SLC7A11: variants seen among roughly 807,000 people sequenced by gnomAD.
SLC7A11 encodes solute carrier family 7 member 11.
In SLC7A11, 35 loss-of-function variants were observed where a neutral mutation model predicts 54.5. The observed-to-expected ratio is 0.64, with a 90% CI of 0.49 to 0.85. The LOEUF is 0.85. Ranked by LOEUF, SLC7A11 falls within the 40% of genes least tolerant of loss-of-function variation. The pLI, the probability that SLC7A11 is intolerant of heterozygous loss-of-function variation, is 0.00. For synonymous variants in SLC7A11, 230 were observed against 225.2 expected (o/e 1.02, Z -0.19); for missense variants, 583 against 618.1 (o/e 0.94, Z 0.60).
At position 138,165,125 on chromosome 4, in the gene SLC7A11, T is replaced by G. The variant is rs946612766; in HGVS notation, c.*6831A>C. ...TATTATTTTTCTACCCCTTGGCAAC[T>G]GAAAATGAAGTTACCATTCCTAGGC... On this transcript the variant is annotated 3_prime_UTR_variant, in exon 12 of 12. Transcript: ENST00000280612. 7.2e-5 allele frequency: 11 copies of G among 152,596 alleles called. No homozygotes were observed. Among genetic ancestry groups the G allele is most frequent in the South Asian group, 2.1e-4 (1 of 4,828 alleles). 9.5% of individuals were successfully genotyped at this position (152,596 alleles called of 1,614,324 possible).
chr4:138,173,593 C>G (rs188438245), intron 11 of SLC7A11, among the ~76,000 whole-genome samples: 303 of 151,498 alleles, frequency 2.0e-3, no homozygotes, highest in Non-Finnish European at 3.5e-3. Context: ...GAGATTGCAC[C>G]ATTACACTCC....
intron 4 of SLC7A11, among the ~76,000 whole-genome samples, chr4:138,220,482 G>T (rs1257066410): frequency 6.6e-6 from 1 of 152,058 alleles, no homozygotes; most frequent in African/African-American, 2.4e-5. Context: ...ATATTGAAAA[G>T]ATATTATAAT....
chr4:138,225,955 C>T (rs1431170297), intron 3 of SLC7A11, among the ~76,000 whole-genome samples: 1 of 151,882 alleles, frequency 6.6e-6, no homozygotes, highest in Admixed American at 6.6e-5. Context: ...ATTTTTGGAA[C>T]AACTAACTAT....
chr4:138,237,011 A>C (rs1578676064), intron 1 of SLC7A11, among the ~76,000 whole-genome samples: 1 of 100,172 alleles, frequency 1.0e-5, no homozygotes, highest in African/African-American at 3.8e-5. Flanking sequence ...TTTGAGACGG[A>C]GTCTCACTCT....
Position 138,223,291 on chromosome 4 carries a change from C to T in SLC7A11, c.554G>A (p.Ser185Asn), listed in dbSNP as rs1248760617. 1 of 1,613,642 alleles carries T rather than the reference C, an allele frequency of 6.2e-7. No individual in the cohort carries two copies. Among genetic ancestry groups the T allele is most frequent in the Admixed American group, 1.7e-5 (1 of 60,008 alleles). Residue 185 changes from serine to asparagine, a missense_variant, in exon 4 of 12, where the codon AGC becomes AAC. Physicochemically the swap from Ser to Asn is conservative, Grantham distance 46. Transcript: ENST00000280612. ...VVMVLNSMSV[S>N]WSARIQIFLT... is the part of the protein sequence containing the mutation. ...GAAAATCTGGATCCGGGCGCTCCAG[C>T]TGACACTCATGCTATTTAGGACCAT...
intron 11 of SLC7A11, among the ~76,000 whole-genome samples, chr4:138,179,008 C>T (rs1052891948): frequency 2.0e-5 from 3 of 152,128 alleles, no homozygotes; most frequent in Non-Finnish European, 4.4e-5. Context: ...GAAGTGATTA[C>T]AGCAGCCCAA....
chr4:138,232,497 T>C (rs1200967980), intron 2 of SLC7A11, 115 bp from the exon 3 acceptor site: 4 of 641,516 alleles, frequency 6.2e-6, no homozygotes, highest in Non-Finnish European at 8.3e-6. Flanking sequence ...TGAAAGTCCA[T>C]AGTTTTCAGA....
chr4:138,237,312 T>C (rs567865399), intron 1 of SLC7A11, among the ~76,000 whole-genome samples: 3 of 151,764 alleles, frequency 2.0e-5, no homozygotes, highest in Non-Finnish European at 4.4e-5. Flanking sequence ...TTGTAGGATA[T>C]ATTTTGTCAA....
intron 4 of SLC7A11, among the ~76,000 whole-genome samples, chr4:138,219,640 A>G (rs1185925475): frequency 1.3e-5 from 2 of 152,220 alleles, no homozygotes; most frequent in South Asian, 2.1e-4. Flanking sequence ...GTATGCCTCT[A>G]TTGTGACCAT....
intron 5 of SLC7A11, among the ~76,000 whole-genome samples, chr4:138,216,208 C>A (rs867891740): frequency 6.6e-6 from 1 of 152,158 alleles, no homozygotes; most frequent in Non-Finnish European, 1.5e-5. Flanking sequence ...GCTAGCAATG[C>A]ATTCCAATAC....
intron 6 of SLC7A11, among the ~76,000 whole-genome samples, chr4:138,211,306 A>G (rs1275130124): frequency 1.3e-5 from 2 of 151,898 alleles, no homozygotes; most frequent in Non-Finnish European, 2.9e-5. Flanking sequence ...CCCATACCCA[A>G]CAGTAACAGG....
intron 4 of SLC7A11, among the ~76,000 whole-genome samples, chr4:138,222,165 G>T (rs148823787): frequency 1.7e-3 from 262 of 152,294 alleles, no homozygotes; most frequent in African/African-American, 5.8e-3. Context: ...CGCCAGCAGG[G>T]CTCTAAAATC....
At chr4:138,238,008 C>T (rs1738281742) in intron 1 of SLC7A11, among the ~76,000 whole-genome samples, 3 of 151,658 alleles carry the variant, frequency 2.0e-5, no homozygotes, top group Admixed American at 2.0e-4. Context: ...TTGCCTTGGC[C>T]TCCCAAAGTG....
intron 6 of SLC7A11, among the ~76,000 whole-genome samples, chr4:138,212,935 C>T (rs1170560348): frequency 6.6e-6 from 1 of 151,896 alleles, no homozygotes; most frequent in East Asian, 1.9e-4. Flanking sequence ...TGTCTTTAGA[C>T]TTAACATACA....
chr4:138,216,052 C>A (rs370772281), intron 5 of SLC7A11, among the ~76,000 whole-genome samples: 14 of 152,178 alleles, frequency 9.2e-5, no homozygotes, highest in African/African-American at 3.4e-4. Flanking sequence ...ATTCACACAT[C>A]CTGTGGGAAA....
intron 3 of SLC7A11, 146 bp from the exon 4 acceptor site, chr4:138,223,470 G>T: frequency 1.2e-6 from 1 of 802,610 alleles, no homozygotes; most frequent in Non-Finnish European, 2.0e-6. Flanking sequence ...CTCAGGCTCT[G>T]CCCCAGGCCT....
rs1450773370 is a variant in SLC7A11 at position 138,242,050 on chromosome 4, A to G, written c.20T>C (p.Val7Ala). The G allele has an allele frequency of 6.2e-7, 1 of 1,614,098 alleles. No homozygotes were observed. Among genetic ancestry groups the G allele is most frequent in the Non-Finnish European group, 8.5e-7 (1 of 1,179,946 alleles). The change falls in exon 1 of 12, where the codon GTG (valine) becomes GCG (alanine). Residue 7 changes from valine (V) to alanine (A), a missense_variant. Physicochemically the swap from Val to Ala is moderately conservative, Grantham distance 64 (BLOSUM62 0). Transcript: ENST00000280612. ...GTAACCTCCTTTGGAGATGGTGGAC[A>G]CAACAGGCTTTCTGACCATAGTAGG... MVRKPV[V>A]STISKGGYLQ...
chr4:138,192,299 T>C lies in SLC7A11; in HGVS notation c.792-7055A>G, dbSNP rs1012883521. Reference sequence around the variant, plus strand: ...AAACAGAATGTGAGTAGATGTGTCATTGAAGACCAAGGTGGTTAAGTGTGT... The same window carrying C: ...AAACAGAATGTGAGTAGATGTGTCACTGAAGACCAAGGTGGTTAAGTGTGT... On this transcript the variant is annotated intron_variant, in intron 6 of 11. Coordinates refer to ENST00000280612, the MANE Select transcript of SLC7A11 (RefSeq NM_014331.4). Among the ~76,000 whole-genome samples the C allele has an allele frequency of 7.9e-5, 12 of 152,274 alleles. No homozygotes were observed. In the East Asian group the frequency reaches 1.2e-3, roughly 15 times the overall value.
At position 138,164,671 on chromosome 4, in the gene SLC7A11, C is replaced by G. The variant is rs1277312935; in HGVS notation, c.*7285G>C. ...GTATTAAATTTGTATAAAATACACACAATCCCCTCTACTAAGTTTCATGAT... is the reference window on the plus strand; with the variant it reads ...GTATTAAATTTGTATAAAATACACAGAATCCCCTCTACTAAGTTTCATGAT... On this transcript the variant is annotated 3_prime_UTR_variant, in exon 12 of 12. Coordinates refer to ENST00000280612, the MANE Select transcript of SLC7A11 (RefSeq NM_014331.4). The G allele has an allele frequency of 6.6e-6, 1 of 152,120 alleles. No individual in the cohort carries two copies. Among genetic ancestry groups the G allele is most frequent in the South Asian group, 2.1e-4 (1 of 4,824 alleles). The allele number at this position is 152,120 out of a possible 1,614,324, so 9.4% of individuals were successfully genotyped here.
Sources: allele counts gnomAD v4.1 joint callset (sites outside exome capture counted in the v4.1 genomes callset), GRCh38; gene constraint gnomAD v4.1.1; transcripts MANE v1.5; gene names NCBI Gene and HGNC (gene_info 2026-07-23, HGNC 2026-07-21).